The following AGBL1 variants were observed in gnomAD, a reference collection of about 807,000 sequenced individuals.
AGBL1 encodes the protein cytosolic carboxypeptidase 4.
AGBL1 carries 130 observed loss-of-function variants against 118.9 expected under a neutral mutation model. The ratio of observed to expected loss-of-function variants is 1.09; its 90% CI spans 0.95 to 1.26. The LOEUF is 1.26. AGBL1 is among the 50% of genes most tolerant of loss of function. The pLI is 0.00. For synonymous variants in AGBL1, 555 were observed against 478.9 expected (o/e 1.16, Z -2.08); for missense variants, 1,584 against 1,298.1 (o/e 1.22, Z -3.38).
chr15:86,256,834 T>C lies in AGBL1; in HGVS notation c.736-19T>C, dbSNP rs754898139. ...TGTGCCCAGATGTTGGCATCTGATATAATCTTCCCTTTGCTCAGAACTGCC... is the reference window on the plus strand; with the variant it reads ...TGTGCCCAGATGTTGGCATCTGATACAATCTTCCCTTTGCTCAGAACTGCC... On this transcript the variant is annotated intron_variant, in intron 7 of 22. Transcript: ENST00000614907. The C allele has an allele frequency of 1.2e-6, 2 of 1,613,336 alleles. No homozygotes were observed. Among genetic ancestry groups the C allele is most frequent in the Non-Finnish European group, 1.7e-6 (2 of 1,179,622 alleles).
chr15:86,211,143 C>T (rs901075988), intron 5 of AGBL1, among the ~76,000 whole-genome samples: 3 of 152,194 alleles, frequency 2.0e-5, no homozygotes, highest in African/African-American at 7.2e-5. Flanking sequence ...GTATCACCAG[C>T]GGAGGCTGCA....
intron 1 of AGBL1, among the ~76,000 whole-genome samples, chr15:86,082,612 G>A (rs866705074): frequency 1.3e-5 from 2 of 152,308 alleles, no homozygotes; most frequent in African/African-American, 2.4e-5. Context: ...ACTCTTTAGG[G>A]GCATAAAATA....
At chr15:86,585,978 T>G (rs1387759541) in intron 21 of AGBL1, among the ~76,000 whole-genome samples, 1 of 152,248 alleles carries the variant, frequency 6.6e-6, no homozygotes, top group Non-Finnish European at 1.5e-5. Context: ...GCTTTCACTA[T>G]GACAAGGGCT....
chr15:86,780,473 A>G (rs1195965671), intron 22 of AGBL1, among the ~76,000 whole-genome samples: 1 of 152,130 alleles, frequency 6.6e-6, no homozygotes, highest in Non-Finnish European at 1.5e-5. Context: ...TTCATGTAAA[A>G]ATTTAGAATC....
chr15:86,488,697 A>G (rs915701310), intron 18 of AGBL1, among the ~76,000 whole-genome samples: 1 of 151,710 alleles, frequency 6.6e-6, no homozygotes, highest in Admixed American at 6.6e-5. Flanking sequence ...ACATATATAC[A>G]TACCTGTCCT....
intron 6 of AGBL1, among the ~76,000 whole-genome samples, chr15:86,235,023 G>T (rs1460615344): frequency 6.6e-6 from 1 of 152,052 alleles, no homozygotes; most frequent in African/African-American, 2.4e-5. Context: ...TTTACGGTTT[G>T]TGGATCAGAC....
chr15:86,560,553 G>A (rs927641068), intron 21 of AGBL1, among the ~76,000 whole-genome samples: 1 of 152,110 alleles, frequency 6.6e-6, no homozygotes, highest in African/African-American at 2.4e-5. Context: ...TGGACATTTG[G>A]GTTGGTTCTA....
chr15:86,368,342 A>G (rs1317877400), intron 17 of AGBL1, among the ~76,000 whole-genome samples: 1 of 152,136 alleles, frequency 6.6e-6, no homozygotes, highest in Non-Finnish European at 1.5e-5. Context: ...CCCTATAACA[A>G]ATAAAACTTC....
At chr15:86,112,741 C>T (rs542406477) in intron 1 of AGBL1, among the ~76,000 whole-genome samples, 8 of 152,324 alleles carry the variant, frequency 5.3e-5, no homozygotes, top group African/African-American at 1.7e-4. Context: ...TTTCTTCTCA[C>T]CCTCACCAGG....
intron 22 of AGBL1, among the ~76,000 whole-genome samples, chr15:86,853,790 G>A (rs889402362): frequency 3.9e-5 from 6 of 151,990 alleles, no homozygotes; most frequent in African/African-American, 1.2e-4. Context: ...AAAGAACATC[G>A]GACTAAAAGT....
chr15:86,900,304 G>A (rs1225911358), intron 22 of AGBL1, among the ~76,000 whole-genome samples: 2 of 152,018 alleles, frequency 1.3e-5, no homozygotes, highest in African/African-American at 2.4e-5. Flanking sequence ...TATTAGTTCT[G>A]TCCCTTTAGA....
At chr15:86,732,053 A>T (rs1329656888) in intron 22 of AGBL1, among the ~76,000 whole-genome samples, 2 of 152,214 alleles carry the variant, frequency 1.3e-5, no homozygotes, top group Admixed American at 6.5e-5. Flanking sequence ...GGCAGATGTT[A>T]CTGTTATCCC....
chr15:86,318,491 G>GT (rs954221384), intron 17 of AGBL1, among the ~76,000 whole-genome samples: 85 of 146,066 alleles, frequency 5.8e-4, no homozygotes, highest in African/African-American at 1.1e-3. Flanking sequence ...TTTACTCAAT[G>GT]TTTTTTTTTT....
chr15:86,108,385 A>G (rs1016150568), intron 1 of AGBL1, among the ~76,000 whole-genome samples: 2 of 152,246 alleles, frequency 1.3e-5, no homozygotes, highest in Admixed American at 1.3e-4. Context: ...AGATACAGCT[A>G]TAGCTTTACT....
At chr15:86,133,561 TA>T in intron 1 of AGBL1, among the ~76,000 whole-genome samples, 1 of 152,240 alleles carries the variant, frequency 6.6e-6, no homozygotes, top group Non-Finnish European at 1.5e-5. Context: ...TCGTAGCACC[TA>T]GCGCAGTTCC....
chr15:86,456,687 G>T (rs139327085), intron 18 of AGBL1, among the ~76,000 whole-genome samples: 2 of 152,300 alleles, frequency 1.3e-5, no homozygotes, highest in East Asian at 3.9e-4. Context: ...ATATTTCAGC[G>T]AGGAAACTGT....
chr15:86,706,827 C>G, intron 22 of AGBL1, among the ~76,000 whole-genome samples: 1 of 152,090 alleles, frequency 6.6e-6, no homozygotes, highest in East Asian at 1.9e-4. Flanking sequence ...GGCACTTGCA[C>G]TAATTTGTTG....
intron 23 of AGBL1, among the ~76,000 whole-genome samples, chr15:86,927,168 A>T (rs1360439322): frequency 1.3e-5 from 2 of 151,360 alleles, no homozygotes; most frequent in African/African-American, 4.8e-5. Context: ...AATAAATAAT[A>T]AAATAAAATA....
In AGBL1 at chr15:86,546,129, A is replaced by G. The variant is rs1045214135; in HGVS notation, c.2813A>G (p.Tyr938Cys). Reference sequence around the variant, plus strand: ...TCTACTATCCTAGAGGAGGTCAACTACAGGGTAAGCCGCTGTGGGGAATGA... The same window carrying G: ...TCTACTATCCTAGAGGAGGTCAACTGCAGGGTAAGCCGCTGTGGGGAATGA... ...GTSTILEEVN[Y>C]RTLPKILDKL... Residue 938 changes from tyrosine to cysteine, a missense_variant, in exon 20 of 23, where the codon TAC (tyrosine) becomes TGC (cysteine). Transcript: ENST00000614907. 3 of 1,612,270 alleles carry G rather than the reference A, an allele frequency of 1.9e-6. No homozygotes were observed. Among genetic ancestry groups the G allele is most frequent in the Non-Finnish European group, 1.7e-6 (2 of 1,178,812 alleles).
Sources: gnomAD v4.1 joint callset for allele counts (sites outside exome capture counted in the v4.1 genomes callset) on GRCh38, gnomAD v4.1.1 for gene constraint, MANE v1.5 for transcripts, NCBI Gene and HGNC (gene_info 2026-07-23, HGNC 2026-07-21) for gene names.